HDLBP: variants seen among roughly 807,000 people sequenced by gnomAD.
The protein encoded by HDLBP is high density lipoprotein binding protein, also known as vigilin.
A neutral mutation model predicts 137.3 loss-of-function variants in HDLBP; 30 were observed. That is an observed-to-expected ratio of 0.22 (90% CI 0.16 to 0.30). HDLBP has a LOEUF of 0.30. Ranked by LOEUF, HDLBP falls within the 10% of genes least tolerant of loss-of-function variation. The pLI, the probability that HDLBP is intolerant of heterozygous loss-of-function variation, is 1.00. For missense variants in HDLBP, 1,119 were observed against 1,667.3 expected (o/e 0.67, Z 5.73); for synonymous variants, 606 against 596.0 (o/e 1.02, Z -0.24).
chr2:241,308,020 T>C (rs567645095), intron 1 of HDLBP, among the ~76,000 whole-genome samples: 23 of 152,334 alleles, frequency 1.5e-4, no homozygotes, highest in African/African-American at 5.5e-4. Flanking sequence ...AAGGTAAAAC[T>C]GCCCACCTCC....
intron 10 of HDLBP, 175 bp from the exon 11 acceptor site, chr2:241,253,210 AC>A (rs778245383): frequency 4.6e-6 from 3 of 658,502 alleles, no homozygotes; most frequent in Non-Finnish European, 8.3e-6. Context: ...AGTTTCCTCC[AC>A]CCACGATTAT....
At chr2:241,265,433 C>T (rs760071690) in intron 3 of HDLBP, among the ~76,000 whole-genome samples, 2 of 152,310 alleles carry the variant, frequency 1.3e-5, no homozygotes, top group Non-Finnish European at 2.9e-5. Flanking sequence ...AAAAAGACTG[C>T]AGTGGCAATT....
rs990203467 is a variant in HDLBP, at chr2:241,236,991, G to A, written c.2750-222C>T. Among the ~76,000 whole-genome samples, 126 of 144,182 alleles carry A rather than the reference G, an allele frequency of 8.7e-4. 6 individuals carry two copies. The highest frequency in any genetic ancestry group is 3.0e-3 in the African/African-American group (118 of 39,406). The allele number at this position is 144,182 out of a possible 152,430, so 94.6% of individuals were successfully genotyped here. On this transcript the variant is annotated intron_variant, in intron 20 of 27. Coordinates refer to ENST00000310931, the MANE Select transcript of HDLBP (RefSeq NM_005336.6). ...CTCCCAGACCTTGGGGGGGGGGGGG[G>A]GGGCGGCAATGAAGGCTTTGCCGGG...
Position 241,238,546 on chromosome 2 carries a change from C to T in HDLBP, c.2749+103G>A, listed in dbSNP as rs1440071063. 4.2e-6 allele frequency: 4 copies of T among 956,136 alleles called. No individual in the cohort carries two copies. The highest frequency in any genetic ancestry group is 5.9e-6 in the Non-Finnish European group (4 of 673,678). 59.2% of individuals were successfully genotyped at this position (956,136 alleles called of 1,614,324 possible). Reference sequence around the variant, plus strand: ...CCCCCAGAATACATAGATGGTTTTCCAGCAGAGACAGGAAAGAGCCTCACC... The same window carrying T: ...CCCCCAGAATACATAGATGGTTTTCTAGCAGAGACAGGAAAGAGCCTCACC... On this transcript the variant is annotated intron_variant, in intron 20 of 27. Transcript: ENST00000310931. The surrounding 1 kb of genome is among the most constrained non-coding windows in gnomAD (Gnocchi z 4.9).
chr2:241,236,591 G>A (rs371419708), intron 21 of HDLBP, 24 bp downstream of exon 21: 1 of 1,612,108 alleles, frequency 6.2e-7, no homozygotes, highest in African/African-American at 1.3e-5. Flanking sequence ...GGCGGGGGGT[G>A]GAGGGGGGCA....
rs1559474549 is a variant in HDLBP, at chr2:241,233,040, G to T, written c.3288+780C>A. 6.6e-6 allele frequency among the ~76,000 whole-genome samples: 1 copy of T among 152,098 alleles called. No individual in the cohort carries two copies. Among genetic ancestry groups the T allele is most frequent in the Non-Finnish European group, 1.5e-5 (1 of 68,018 alleles). The stretch of plus-strand genomic sequence containing the variant: ...AACCCTGGGCGGCACATCCACAGTG[G>T]GAGCGAGGGGCGTGGAGGGGCTCTG... On this transcript the variant is annotated intron_variant, in intron 24 of 27. Coordinates refer to ENST00000310931, the MANE Select transcript of HDLBP (RefSeq NM_005336.6). This position sits in a 1 kb window ranked among gnomAD's most constrained non-coding sequence, Gnocchi z 4.3.
intron 1 of HDLBP, among the ~76,000 whole-genome samples, chr2:241,274,044 GT>G (rs895683252): frequency 6.6e-6 from 1 of 152,194 alleles, no homozygotes; most frequent in African/African-American, 2.4e-5. Context: ...GAAGAGGGGT[GT>G]AAAAGAAGTT....
At chr2:241,278,498 G>A (rs892662387) in intron 1 of HDLBP, among the ~76,000 whole-genome samples, 3 of 152,030 alleles carry the variant, frequency 2.0e-5, no homozygotes, top group African/African-American at 4.8e-5. Context: ...CAGGAGGATT[G>A]CTTGAACCCG....
chr2:241,263,041 C>A, intron 4 of HDLBP, 115 bp from the exon 5 acceptor site: 18 of 770,832 alleles, frequency 2.3e-5, no homozygotes, highest in Non-Finnish European at 3.6e-5. Flanking sequence ...CCACCCTGCC[C>A]ACAGGCACTG....
At chr2:241,301,782 T>A (rs987673935) in intron 1 of HDLBP, among the ~76,000 whole-genome samples, 1 of 151,970 alleles carries the variant, frequency 6.6e-6, no homozygotes, top group African/African-American at 2.4e-5. Flanking sequence ...TTTTTTTTTT[T>A]AATTTTTCAA....
chr2:241,236,738 A>G lies in HDLBP; in HGVS notation c.2781T>C (p.Asn927=), dbSNP rs748042154. ...VHSTEPVVQE[N]GDEAGEGREA... ...CTCTCCCCTCCCCAGCTTCGTCCCC[A>G]TTCTCCTGGACAACTGGCTCTGTAC... is the stretch of plus-strand genomic sequence containing the variant. Residue 927 remains asparagine (N), a synonymous_variant, in exon 21 of 28, where the codon AAT becomes AAC. Transcript: ENST00000310931. The G allele has an allele frequency of 1.9e-5, 31 of 1,614,068 alleles. No homozygotes were observed. Among genetic ancestry groups the G allele is most frequent in the Middle Eastern group, 1.6e-4 (1 of 6,062 alleles).
At position 241,255,589 on chromosome 2, in the gene HDLBP, G is replaced by A; in HGVS notation, c.874-9C>T. ...GTTGTAGTCTTCTTTTTCTAAATAA[G>A]AGCACCATAAGGGGCAGTCAAAGGG... On this transcript the variant is annotated splice_polypyrimidine_tract_variant and intron_variant, in intron 7 of 27. Coordinates refer to ENST00000310931, the MANE Select transcript of HDLBP (RefSeq NM_005336.6). The A allele has an allele frequency of 6.2e-7, 1 of 1,610,030 alleles. No homozygotes were observed. The highest frequency in any genetic ancestry group is 8.5e-7 in the Non-Finnish European group (1 of 1,176,254).
chr2:241,231,101 A>C, intron 24 of HDLBP, 157 bp from the exon 25 acceptor site: 1 of 657,858 alleles, frequency 1.5e-6, no homozygotes, highest in Admixed American at 2.8e-5. Context: ...ATGTCCACTC[A>C]GGGCCGGGCA....
intron 16 of HDLBP, chr2:241,246,498 A>T: frequency 2.3e-6 from 1 of 427,654 alleles, no homozygotes. Flanking sequence ...TTTTCAGGTA[A>T]CAAGAAGAAA....
Position 241,239,582 on chromosome 2 carries a change from C to G in HDLBP, c.2610+20G>C. The G allele has an allele frequency of 6.2e-7, 1 of 1,606,692 alleles. No homozygotes were observed. Among genetic ancestry groups the G allele is most frequent in the Non-Finnish European group, 8.5e-7 (1 of 1,173,520 alleles). On this transcript the variant is annotated intron_variant, in intron 19 of 27. Transcript: ENST00000310931. The surrounding 1 kb of genome is among the most constrained non-coding windows in gnomAD (Gnocchi z 4.6). ...GCCACTGGGGGGTGAGAACCCCTCC[C>G]CGAGCACCCAAGTGCCTACCAGGTC...
intron 16 of HDLBP, among the ~76,000 whole-genome samples, chr2:241,243,889 G>C (rs1044085767): frequency 6.6e-6 from 1 of 152,052 alleles, no homozygotes; most frequent in Non-Finnish European, 1.5e-5. Context: ...GAAATGCAAA[G>C]AATAGGGGGA....
At position 241,255,437 on chromosome 2, in the gene HDLBP, C is replaced by A; in HGVS notation, c.1017G>T (p.Glu339Asp). 1 of 1,614,242 alleles carries A rather than the reference C, an allele frequency of 6.2e-7. No individual in the cohort carries two copies. Among genetic ancestry groups the A allele is most frequent in the Non-Finnish European group, 8.5e-7 (1 of 1,180,040 alleles). ...CAGGTTCGCCTCGAAGTATTACAGT[C>A]TCAGAGATGCTGTCTGAGGGTGGGA... ...VEIPPSDSIS[E>D]TVILRGEPEK... Residue 339 changes from glutamate to aspartate, a missense_variant, in exon 8 of 28, where the codon GAG (glutamate) becomes GAT (aspartate). Physicochemically the swap from Glu to Asp is conservative, Grantham distance 45. Transcript: ENST00000310931.
intron 1 of HDLBP, among the ~76,000 whole-genome samples, chr2:241,278,411 C>T (rs530916948): frequency 2.0e-5 from 3 of 152,142 alleles, no homozygotes; most frequent in South Asian, 2.1e-4. Context: ...GGCGAAACTC[C>T]GTCTCTACTA....
At chr2:241,280,529 T>C (rs1005053092) in intron 1 of HDLBP, among the ~76,000 whole-genome samples, 2 of 152,226 alleles carry the variant, frequency 1.3e-5, no homozygotes, top group African/African-American at 4.8e-5. Flanking sequence ...AAAAGGTAAC[T>C]TAGTATATTC....
Sources: gnomAD v4.1 joint callset for allele counts (sites outside exome capture counted in the v4.1 genomes callset) on GRCh38, gnomAD v4.1.1 for gene constraint, Gnocchi (gnomAD v3.1) non-coding constraint, MANE v1.5 for transcripts, NCBI Gene and HGNC (gene_info 2026-07-23, HGNC 2026-07-21) for gene names.